RIN2: variants seen among roughly 807,000 people sequenced by gnomAD.
The protein encoded by RIN2 is Ras and Rab interactor 2.
RIN2 carries 36 observed loss-of-function variants against 78.0 expected under a neutral mutation model. That is an observed-to-expected ratio of 0.46 (90% CI 0.35 to 0.61). The LOEUF is 0.61. RIN2 is among the 20% of genes least tolerant of loss of function. The pLI, the probability that RIN2 is intolerant of heterozygous loss-of-function variation, is 0.00. For synonymous variants in RIN2, 466 were observed against 466.8 expected (o/e 1.00, Z 0.02); for missense variants, 1,087 against 1,159.7 (o/e 0.94, Z 0.91).
chr20:19,833,592 A>G (rs558507014), intron 2 of RIN2, among the ~76,000 whole-genome samples: 1 of 152,348 alleles, frequency 6.6e-6, no homozygotes, highest in South Asian at 2.1e-4. Flanking sequence ...TTTTGCTCTC[A>G]ATTACTTGGT....
chr20:19,897,068 T>C (rs2123575317), intron 3 of RIN2, among the ~76,000 whole-genome samples: 1 of 152,312 alleles, frequency 6.6e-6, no homozygotes, highest in South Asian at 2.1e-4. Context: ...GTGTGTATTT[T>C]ACACTCAGCA....
At chr20:19,935,072 C>A in intron 3 of RIN2, 27 bp from the exon 4 acceptor site, 1 of 1,549,602 alleles carries the variant, frequency 6.5e-7, no homozygotes, top group Admixed American at 1.9e-5. Context: ...CACTTCCTGA[C>A]GTCATACTAT....
intron 11 of RIN2, among the ~76,000 whole-genome samples, chr20:19,993,155 T>A (rs2042847369): frequency 6.6e-6 from 1 of 152,200 alleles, no homozygotes; most frequent in African/African-American, 2.4e-5. Context: ...GGACTCTATG[T>A]GAGCTTATCT....
At chr20:19,890,448 G>A (rs1246123980) in intron 3 of RIN2, among the ~76,000 whole-genome samples, 1 of 151,876 alleles carries the variant, frequency 6.6e-6, no homozygotes, top group Non-Finnish European at 1.5e-5. Context: ...TGTTTAAAAA[G>A]GTAGAAAAAT....
chr20:19,797,582 A>G lies in RIN2; in HGVS notation c.-162-2040A>G, dbSNP rs183608955. 9.5e-4 allele frequency among the ~76,000 whole-genome samples: 145 copies of G among 152,300 alleles called. 2 individuals carry two copies. The highest frequency in any genetic ancestry group is 1.4e-3 in the Admixed American group (21 of 15,292). On this transcript the variant is annotated intron_variant, in intron 1 of 12. Coordinates refer to ENST00000255006, the MANE Select transcript of RIN2 (RefSeq NM_018993.4). ...AGTACATTGAATCCAAGACCTACCT[A>G]TTAGTAAAGATTAGAAGACATTGTG...
At chr20:19,809,749 G>GCCACATCCACA (rs1447860751) in intron 2 of RIN2, 1 of 151,956 alleles carries the variant, frequency 6.6e-6, no homozygotes, top group African/African-American at 2.4e-5. Context: ...GGGCCTCATG[G>GCCACATCCACA]GAGTCCACAG....
intron 1 of RIN2, among the ~76,000 whole-genome samples, chr20:19,767,963 A>G (rs1233417747): frequency 4.6e-5 from 7 of 151,864 alleles, no homozygotes; most frequent in Non-Finnish European, 8.8e-5. Context: ...CCTGCGAAAC[A>G]TGGAGAGAGA....
intron 10 of RIN2, among the ~76,000 whole-genome samples, chr20:19,990,536 C>T (rs1168143785): frequency 6.6e-6 from 1 of 152,030 alleles, no homozygotes; most frequent in African/African-American, 2.4e-5. Flanking sequence ...TGTACCAGGC[C>T]GATTTAATTA....
chr20:19,863,250 C>A (rs4814911), intron 2 of RIN2, among the ~76,000 whole-genome samples: 6 of 152,046 alleles, frequency 3.9e-5, no homozygotes, highest in Non-Finnish European at 8.8e-5. Context: ...TTATTTAACA[C>A]GTTTTGTCTC....
intron 2 of RIN2, among the ~76,000 whole-genome samples, chr20:19,827,007 C>T (rs1235403660): frequency 1.4e-5 from 2 of 139,450 alleles, no homozygotes; most frequent in African/African-American, 5.5e-5. Context: ...CAGAGTTTCG[C>T]TCTTGTTGCC....
At chr20:19,837,980 G>C (rs2036471396) in intron 2 of RIN2, among the ~76,000 whole-genome samples, 1 of 151,836 alleles carries the variant, frequency 6.6e-6, no homozygotes, top group Non-Finnish European at 1.5e-5. Context: ...TGAGTGGAGG[G>C]GACAAGAAAA....
At position 19,974,738 on chromosome 20, in the gene RIN2, C is replaced by A. The variant is rs767583785; in HGVS notation, c.713C>A (p.Ala238Asp). Residue 238 changes from alanine to aspartate, a missense_variant, in exon 9 of 13, where the codon GCC becomes GAC. This residue lies in a region of RIN2 where 706 missense variants were observed against 667.5 expected (regional missense o/e 1.06). Coordinates refer to ENST00000255006, the MANE Select transcript of RIN2 (RefSeq NM_018993.4). ...CTTTCCTCCGACGGTGTCTGTCCTGCCTCCCTGCGTCAGCTCTGCCTTATA... is the reference window on the plus strand; with the variant it reads ...CTTTCCTCCGACGGTGTCTGTCCTGACTCCCTGCGTCAGCTCTGCCTTATA... ...RPLSSDGVCPASLRQLCLING... is the reference protein window; with the variant it reads ...RPLSSDGVCPDSLRQLCLING... 3 of 1,614,020 alleles carry A rather than the reference C, an allele frequency of 1.9e-6. No homozygotes were observed.
intron 2 of RIN2, among the ~76,000 whole-genome samples, chr20:19,813,325 A>C (rs1453502070): frequency 6.6e-6 from 1 of 152,252 alleles, no homozygotes; most frequent in African/African-American, 2.4e-5. Context: ...CATTTGCCAT[A>C]TCATGACTTT....
At chr20:19,788,416 G>A (rs1331167668) in intron 1 of RIN2, among the ~76,000 whole-genome samples, 7 of 93,972 alleles carry the variant, frequency 7.4e-5, no homozygotes, top group African/African-American at 3.9e-4. Flanking sequence ...CCAACATGGC[G>A]AAATCCTGTC....
At chr20:19,939,451 A>C (rs1156854931) in intron 4 of RIN2, among the ~76,000 whole-genome samples, 1 of 152,208 alleles carries the variant, frequency 6.6e-6, no homozygotes, top group African/African-American at 2.4e-5. Context: ...TCTCCAGGCT[A>C]TTAGCCAAGC....
chr20:19,869,628 GTT>G (rs35058562), intron 2 of RIN2, among the ~76,000 whole-genome samples: 37,310 of 143,202 alleles, frequency 0.26, 4,866 homozygotes, highest in East Asian at 0.32. Flanking sequence ...TTGTTCTTGG[GTT>G]TTTTTTTTTT....
At chr20:19,996,502 G>A (rs1568726002) in intron 11 of RIN2, among the ~76,000 whole-genome samples, 177 bp from the exon 12 acceptor site, 2 of 152,208 alleles carry the variant, frequency 1.3e-5, no homozygotes, top group Non-Finnish European at 2.9e-5. Flanking sequence ...TGTGTGAAGG[G>A]ATGGATGGAG....
At chr20:19,810,244 C>CA (rs58768278) in intron 2 of RIN2, among the ~76,000 whole-genome samples, 5,565 of 80,562 alleles carry the variant, frequency 0.069, 206 homozygotes, top group African/African-American at 0.14. Flanking sequence ...ATTAATAATA[C>CA]AAAAAAAAAA....
At chr20:19,962,119 G>A (rs1195894799) in intron 6 of RIN2, among the ~76,000 whole-genome samples, 5 of 149,118 alleles carry the variant, frequency 3.4e-5, no homozygotes, top group African/African-American at 4.9e-5. Context: ...TGGGCAACAT[G>A]GCAAAACTCC....
Sources: allele counts gnomAD v4.1 joint callset (sites outside exome capture counted in the v4.1 genomes callset), GRCh38; gene constraint gnomAD v4.1.1; regional missense constraint gnomAD v4.1.1; transcripts MANE v1.5; gene names NCBI Gene and HGNC (gene_info 2026-07-23, HGNC 2026-07-21).